Variants in PHACTR3 observed in about 807,000 individuals in gnomAD.
The protein encoded by PHACTR3 is protein phosphatase 1, regulatory subunit 123.
Under a neutral mutation model 66.8 loss-of-function variants are expected in PHACTR3, and 16 were observed. That is an observed-to-expected ratio of 0.24 (90% CI 0.16 to 0.36). The LOEUF (loss-of-function observed/expected upper bound fraction) is 0.36. Among genes scored for constraint, PHACTR3 ranks in the 10% least tolerant of loss-of-function variants. The pLI, the probability that PHACTR3 is intolerant of heterozygous loss-of-function variation, is 1.00. For synonymous variants in PHACTR3, 323 were observed against 292.1 expected (o/e 1.11, Z -1.08); for missense variants, 647 against 719.9 (o/e 0.90, Z 1.16).
chr20:59,755,461 G>A, intron 4 of PHACTR3, 97 bp downstream of exon 4: 1 of 1,334,382 alleles, frequency 7.5e-7, no homozygotes, highest in East Asian at 2.5e-5. Flanking sequence ...AGCCCTCGTA[G>A]AACATTGTTC....
At chr20:59,845,114 T>TAATTTATA in intron 11 of PHACTR3, 75 bp from the exon 12 acceptor site, 1 of 936,112 alleles carries the variant, frequency 1.1e-6, no homozygotes, top group Non-Finnish European at 1.7e-6. Context: ...TAGGAATGGT[T>TAATTTATA]AATTTATAAA....
At position 59,604,844 on chromosome 20, in the gene PHACTR3, G is replaced by C. The variant is rs1168209343; in HGVS notation, c.-171G>C. The C allele has an allele frequency of 4.1e-6, 5 of 1,210,980 alleles. No individual in the cohort carries two copies. The highest frequency in any genetic ancestry group is 5.1e-6 in the Non-Finnish European group (5 of 976,450). 75.0% of individuals were successfully genotyped at this position (1,210,980 alleles called of 1,614,324 possible). A position where few individuals can be genotyped will look rare whatever the true frequency, so the allele number is the denominator to read the frequency against. On this transcript the variant is annotated 5_prime_UTR_variant, in exon 1 of 13. Coordinates refer to ENST00000371015, the MANE Select transcript of PHACTR3 (RefSeq NM_080672.5). ...GTCTCCCCGCCCTGAAGCCAGCCCC[G>C]GCGTCTTTCTCCAGCTCGTTTCCTT...
intron 8 of PHACTR3, among the ~76,000 whole-genome samples, chr20:59,827,541 C>T (rs535754083): frequency 3.3e-5 from 5 of 152,244 alleles, no homozygotes; most frequent in East Asian, 3.9e-4. Context: ...CCCTCACATA[C>T]GGCTCTCTCC....
intron 7 of PHACTR3, among the ~76,000 whole-genome samples, chr20:59,805,825 C>T (rs1361281235): frequency 6.6e-6 from 1 of 152,214 alleles, no homozygotes; most frequent in Non-Finnish European, 1.5e-5. Context: ...GCTTAGCGGA[C>T]AGAGATGGTG....
intron 1 of PHACTR3, among the ~76,000 whole-genome samples, chr20:59,596,844 A>G (rs888922967): frequency 6.6e-6 from 1 of 152,212 alleles, no homozygotes; most frequent in African/African-American, 2.4e-5. Flanking sequence ...ACGTGCAGGC[A>G]CCAGTGAAAG....
At chr20:59,661,903 G>C (rs1301826808) in intron 1 of PHACTR3, among the ~76,000 whole-genome samples, 3 of 152,140 alleles carry the variant, frequency 2.0e-5, no homozygotes, top group African/African-American at 7.2e-5. Flanking sequence ...GCTAGTGGCA[G>C]GGCTGCTTGC....
At chr20:59,641,942 G>A (rs566889531) in intron 1 of PHACTR3, among the ~76,000 whole-genome samples, 23 of 152,184 alleles carry the variant, frequency 1.5e-4, no homozygotes, top group South Asian at 4.1e-4. Flanking sequence ...GGCCCCTCAC[G>A]GAGGAACCTC....
chr20:59,773,154 T>G, intron 5 of PHACTR3, 125 bp from the exon 6 acceptor site: 2 of 1,084,650 alleles, frequency 1.8e-6, no homozygotes, highest in Non-Finnish European at 2.7e-6. Flanking sequence ...CATCTTGGCA[T>G]TAGTTGGGGC....
intron 1 of PHACTR3, among the ~76,000 whole-genome samples, chr20:59,714,661 C>T (rs867926827): frequency 6.6e-5 from 10 of 152,236 alleles, no homozygotes; most frequent in Admixed American, 6.5e-5. Context: ...CTTAGTCATT[C>T]TTGGTTCTAG....
At position 59,689,060 on chromosome 20, in the gene PHACTR3, A is replaced by G. The variant is rs574170410; in HGVS notation, c.119-54047A>G. ...GCCTGGCTTCATTCTTTCTCTAGAT[A>G]CCCACACTATCTCATGGGTATTTTT... On this transcript the variant is annotated intron_variant, in intron 1 of 12. Coordinates refer to ENST00000371015, the MANE Select transcript of PHACTR3 (RefSeq NM_080672.5). 2.6e-5 allele frequency among the ~76,000 whole-genome samples: 4 copies of G among 152,278 alleles called. No homozygotes were observed. In the South Asian group the frequency reaches 8.3e-4, roughly 32 times the overall value.
At chr20:59,697,753 A>G (rs181787500) in intron 1 of PHACTR3, among the ~76,000 whole-genome samples, 28 of 152,312 alleles carry the variant, frequency 1.8e-4, no homozygotes, top group East Asian at 1.4e-3. Flanking sequence ...AATTTAATCA[A>G]TAAATTACCC....
intron 1 of PHACTR3, among the ~76,000 whole-genome samples, chr20:59,740,761 AG>A (rs1360305245): frequency 6.6e-6 from 1 of 152,190 alleles, no homozygotes; most frequent in Middle Eastern, 3.2e-3. Context: ...GCCCTTTGGA[AG>A]CCAGACCCCG....
chr20:59,826,004 C>T (rs1276718679), intron 8 of PHACTR3, among the ~76,000 whole-genome samples: 1 of 152,138 alleles, frequency 6.6e-6, no homozygotes, highest in Non-Finnish European at 1.5e-5. Flanking sequence ...TGGGTCCTCC[C>T]CGGATGCCGA....
intron 1 of PHACTR3, among the ~76,000 whole-genome samples, chr20:59,737,774 C>T (rs1490181251): frequency 6.6e-6 from 1 of 152,010 alleles, no homozygotes; most frequent in Non-Finnish European, 1.5e-5. Context: ...TCTGCACACC[C>T]TGTGCCTATT....
intron 7 of PHACTR3, among the ~76,000 whole-genome samples, chr20:59,782,633 AAC>A (rs1159944860): frequency 6.6e-6 from 1 of 152,180 alleles, no homozygotes; most frequent in Non-Finnish European, 1.5e-5. Flanking sequence ...AGAGAATGAG[AAC>A]CACGCAAAAG....
chr20:59,682,067 C>T (rs147107829), intron 1 of PHACTR3, among the ~76,000 whole-genome samples: 1,926 of 150,814 alleles, frequency 0.013, 25 homozygotes, highest in Non-Finnish European at 0.02. Context: ...TGGCTGGACG[C>T]GGTGGCTCAT....
chr20:59,809,899 C>T (rs1176633100), intron 8 of PHACTR3, among the ~76,000 whole-genome samples: 1 of 152,156 alleles, frequency 6.6e-6, no homozygotes, highest in East Asian at 1.9e-4. Flanking sequence ...TTTGCTGACC[C>T]CTGATGTGCT....
intron 1 of PHACTR3, among the ~76,000 whole-genome samples, chr20:59,668,127 C>A (rs1438065591): frequency 6.6e-6 from 1 of 151,014 alleles, no homozygotes; most frequent in East Asian, 1.9e-4. Flanking sequence ...GAGATGGACA[C>A]GTATGCCTGT....
chr20:59,601,761 G>T (rs775503325), upstream of PHACTR3, among the ~76,000 whole-genome samples: 19 of 152,194 alleles, frequency 1.2e-4, no homozygotes, highest in Non-Finnish European at 2.6e-4. Flanking sequence ...CAAAGCCAAA[G>T]AATAATATAA....
Sources: gnomAD v4.1 joint callset for allele counts (sites outside exome capture counted in the v4.1 genomes callset) on GRCh38, gnomAD v4.1.1 for gene constraint, MANE v1.5 for transcripts, NCBI Gene and HGNC (gene_info 2026-07-23, HGNC 2026-07-21) for gene names.